ZNF730: variants seen among roughly 807,000 people sequenced by gnomAD.
ZNF730 encodes the protein putative zinc finger protein 730.
In ZNF730, 12 loss-of-function variants were observed where a neutral mutation model predicts 12.6. The ratio of observed to expected loss-of-function variants is 0.95; its 90% CI spans 0.61 to 1.54. ZNF730 has a LOEUF of 1.54. Ranked by LOEUF, ZNF730 falls within the 40% of genes most tolerant of loss-of-function variation. The pLI is 0.00. For synonymous variants in ZNF730, 194 were observed against 195.8 expected, an observed-to-expected ratio of 0.99 and a Z score of 0.08; for missense variants, 643 against 583.5, an observed-to-expected ratio of 1.10 and a Z score of -1.05.
In ZNF730 at chr19:23,146,106, C is replaced by A. The variant is rs556897101; in HGVS notation, c.1062C>A (p.Thr354=). The change falls in exon 4 of 4, where the codon ACC becomes ACA. Residue 354 remains threonine (T), a synonymous_variant. Coordinates refer to ENST00000597761, the MANE Select transcript of ZNF730 (RefSeq NM_001277403.2). ...ECGKAFNRSS[T]LNRHKITHTG... ...GCAAAGCTTTTAACCGATCCTCAAC[C>A]CTTAATAGACATAAGATAACTCATA... 2.3e-5 allele frequency: 37 copies of A among 1,609,944 alleles called. 1 individual carries two copies. The South Asian group carries it at 3.3e-4, about 14-fold the overall frequency.
At chr19:23,121,849 TAAG>T (rs1403046027) in intron 1 of ZNF730, among the ~76,000 whole-genome samples, 1 of 152,228 alleles carries the variant, frequency 6.6e-6, no homozygotes, top group Non-Finnish European at 1.5e-5. Context: ...AAATTAAAGA[TAAG>T]AGGCTTTATT....
At chr19:23,081,092 C>T (rs570555785) in intron 1 of ZNF730, among the ~76,000 whole-genome samples, 11 of 150,912 alleles carry the variant, frequency 7.3e-5, no homozygotes, top group Non-Finnish European at 1.2e-4. Flanking sequence ...GTGATCCAGC[C>T]GCCTCTGCCT....
chr19:23,106,799 A>G (rs1970397064), intron 1 of ZNF730, among the ~76,000 whole-genome samples: 1 of 152,102 alleles, frequency 6.6e-6, no homozygotes, highest in Non-Finnish European at 1.5e-5. Context: ...CTCAAAAAAA[A>G]AAAAAAAAAA....
chr19:23,103,164 T>C (rs906155114), intron 1 of ZNF730, among the ~76,000 whole-genome samples: 3 of 152,182 alleles, frequency 2.0e-5, no homozygotes, highest in African/African-American at 7.2e-5. Flanking sequence ...ATTTCTAAAT[T>C]CAGTTTATAG....
At chr19:23,109,944 G>A (rs1970441926) in intron 1 of ZNF730, among the ~76,000 whole-genome samples, 1 of 151,926 alleles carries the variant, frequency 6.6e-6, no homozygotes, top group Non-Finnish European at 1.5e-5. Flanking sequence ...AGACATAATC[G>A]ATTTCTTTTA....
At chr19:23,135,204 C>A (rs1970810091) in intron 2 of ZNF730, among the ~76,000 whole-genome samples, 1 of 68,344 alleles carries the variant, frequency 1.5e-5, no homozygotes, top group African/African-American at 5.5e-5. Context: ...CTGCGAGAAA[C>A]ACCCAAGAAT....
intron 1 of ZNF730, among the ~76,000 whole-genome samples, chr19:23,132,228 A>T (rs1970752775): frequency 6.6e-6 from 1 of 152,170 alleles, no homozygotes; most frequent in Non-Finnish European, 1.5e-5. Flanking sequence ...TTACATTGTT[A>T]AGGCATATTC....
intron 2 of ZNF730, among the ~76,000 whole-genome samples, chr19:23,135,704 G>T (rs1970820815): frequency 6.6e-6 from 1 of 151,906 alleles, no homozygotes; most frequent in African/African-American, 2.4e-5. Context: ...GTAGAGACAG[G>T]GTTTCACTAT....
upstream of ZNF730, chr19:23,116,902 T>C: frequency 2.1e-6 from 1 of 475,140 alleles, no homozygotes; most frequent in Non-Finnish European, 3.5e-6. Flanking sequence ...TCTGATCACA[T>C]CTGTCACTCA....
intron 1 of ZNF730, among the ~76,000 whole-genome samples, chr19:23,099,123 CAT>C (rs1970297850): frequency 6.6e-6 from 1 of 152,172 alleles, no homozygotes; most frequent in Non-Finnish European, 1.5e-5. Context: ...TCATGATTCT[CAT>C]GTGCAGATGC....
Position 23,138,068 on chromosome 19 carries a change from G to A in ZNF730, c.226+2025G>A, listed in dbSNP as rs1382898367. Reference sequence around the variant, plus strand: ...GGAGGCCGAGGCGGGCGGATCACGAGGTCAGGAGATCGAGACCATCCCGGC... The same window carrying A: ...GGAGGCCGAGGCGGGCGGATCACGAAGTCAGGAGATCGAGACCATCCCGGC... On this transcript the variant is annotated intron_variant, in intron 3 of 3. Coordinates refer to ENST00000597761, the MANE Select transcript of ZNF730 (RefSeq NM_001277403.2). 3.1e-4 allele frequency among the ~76,000 whole-genome samples: 5 copies of A among 16,096 alleles called. 2 individuals carry two copies. The highest frequency in any genetic ancestry group is 6.1e-4 in the Non-Finnish European group (3 of 4,924). The allele number at this position is 16,096 out of a possible 152,430, so 10.6% of individuals were successfully genotyped here. A position where few individuals can be genotyped will look rare whatever the true frequency, so the allele number is the denominator to read the frequency against.
intron 1 of ZNF730, among the ~76,000 whole-genome samples, chr19:23,102,090 T>C (rs1414667810): frequency 6.6e-6 from 1 of 152,186 alleles, no homozygotes; most frequent in Admixed American, 6.5e-5. Flanking sequence ...GTGACATATC[T>C]CTGCATCAGT....
upstream of ZNF730, among the ~76,000 whole-genome samples, chr19:23,113,378 G>A (rs989863221): frequency 2.0e-5 from 3 of 152,148 alleles, no homozygotes; most frequent in Non-Finnish European, 4.4e-5. Context: ...GCAATCACCT[G>A]TAGAATATAA....
Position 23,146,032 on chromosome 19 carries a change from C to T in ZNF730, c.988C>T (p.His330Tyr), listed in dbSNP as rs1376835562. The T allele has an allele frequency of 2.2e-5, 36 of 1,610,140 alleles. No individual in the cohort carries two copies. The highest frequency in any genetic ancestry group is 2.9e-5 in the Non-Finnish European group (34 of 1,178,922). Reference sequence around the variant, plus strand: ...TAAGTGGTCCTCAACCCTTACAAAACATAAAAGAATTCATAATGGAGAAAA... The same window carrying T: ...TAAGTGGTCCTCAACCCTTACAAAATATAAAAGAATTCATAATGGAGAAAA... Reference protein sequence around the residue: ...AFKWSSTLTKHKRIHNGEKPY... With the variant: ...AFKWSSTLTKYKRIHNGEKPY... Residue 330 changes from histidine (H) to tyrosine (Y), a missense_variant, in exon 4 of 4, where the codon CAT (histidine) becomes TAT (tyrosine). Coordinates refer to ENST00000597761, the MANE Select transcript of ZNF730 (RefSeq NM_001277403.2).
chr19:23,129,577 C>A (rs926914626), intron 1 of ZNF730, among the ~76,000 whole-genome samples: 2 of 150,536 alleles, frequency 1.3e-5, no homozygotes, highest in Non-Finnish European at 3.0e-5. Context: ...TTGTATCCCC[C>A]CCCCCATTAT....
At chr19:23,104,634 G>A (rs1196465192) in intron 1 of ZNF730, among the ~76,000 whole-genome samples, 1 of 152,166 alleles carries the variant, frequency 6.6e-6, no homozygotes, top group East Asian at 1.9e-4. Flanking sequence ...TTGTATGAGT[G>A]CAATAAGAAT....
chr19:23,141,105 A>C (rs567780074), intron 3 of ZNF730, among the ~76,000 whole-genome samples: 4 of 151,538 alleles, frequency 2.6e-5, no homozygotes, highest in South Asian at 2.1e-4. Context: ...TTTCCAAAAA[A>C]AAATTTAGGC....
chr19:23,120,624 G>A (rs1970587134), intron 1 of ZNF730, among the ~76,000 whole-genome samples: 1 of 151,058 alleles, frequency 6.6e-6, no homozygotes, highest in Non-Finnish European at 1.5e-5. Flanking sequence ...AATAAGATAA[G>A]TGGTTATTAT....
upstream of ZNF730, among the ~76,000 whole-genome samples, chr19:23,112,177 A>C (rs933311951): frequency 1.6e-4 from 25 of 152,188 alleles, no homozygotes; most frequent in Non-Finnish European, 1.3e-4. Context: ...TTGTAAACCC[A>C]TAGGAGATCT....
Sources: allele counts gnomAD v4.1 joint callset (sites outside exome capture counted in the v4.1 genomes callset), GRCh38; gene constraint gnomAD v4.1.1; transcripts MANE v1.5; gene names NCBI Gene and HGNC (gene_info 2026-07-23, HGNC 2026-07-21).